GUCY1A2: variants seen among roughly 807,000 people sequenced by gnomAD.
GUCY1A2 encodes the protein guanylate cyclase 1 soluble subunit alpha 2.
A neutral mutation model predicts 63.5 loss-of-function variants in GUCY1A2; 27 were observed. That is an observed-to-expected ratio of 0.43 (90% confidence interval 0.31 to 0.59). The LOEUF (loss-of-function observed/expected upper bound fraction) is 0.59. Ranked by LOEUF, GUCY1A2 falls within the 20% of genes least tolerant of loss-of-function variation. GUCY1A2 has a pLI of 0.11. For missense variants in GUCY1A2, 768 were observed against 913.3 expected (o/e 0.84, Z 2.05); for synonymous variants, 364 against 343.5 (o/e 1.06, Z -0.66).
rs1272552786 is a variant in GUCY1A2 at position 106,685,992 on chromosome 11, A to G, written c.*1557T>C. ...AGTAAATATATTCCTTAACTGAGTT[A>G]TGTCATAACCAAATCATAATGCAGC... On this transcript the variant is annotated 3_prime_UTR_variant, in exon 8 of 8. Transcript: ENST00000526355. 1.4e-5 allele frequency: 3 copies of G among 219,798 alleles called. No individual in the cohort carries two copies. Among genetic ancestry groups the G allele is most frequent in the African/African-American group, 6.7e-5 (3 of 44,594 alleles). 13.6% of individuals were successfully genotyped at this position (219,798 alleles called of 1,614,324 possible). A position where few individuals can be genotyped will look rare whatever the true frequency, so the allele number is the denominator to read the frequency against.
chr11:106,683,186 T>C lies in GUCY1A2; in HGVS notation c.*4363A>G. The stretch of plus-strand genomic sequence containing the variant: ...CTCATGCATCATGATTTTTGGGTTA[T>C]ATCTATTATTAAGCTATGATTATAG... On this transcript the variant is annotated 3_prime_UTR_variant, in exon 8 of 8. Coordinates refer to ENST00000526355, the MANE Select transcript of GUCY1A2 (RefSeq NM_000855.3). 1 of 214,318 alleles carries C rather than the reference T, an allele frequency of 4.7e-6. No homozygotes were observed. The highest frequency in any genetic ancestry group is 7.0e-5 in the East Asian group (1 of 14,368). 13.3% of individuals were successfully genotyped at this position (214,318 alleles called of 1,614,324 possible).
intron 4 of GUCY1A2, among the ~76,000 whole-genome samples, chr11:106,869,955 A>G (rs1225149658): frequency 6.6e-6 from 1 of 152,140 alleles, no homozygotes; most frequent in Non-Finnish European, 1.5e-5. Flanking sequence ...TGTCCTTTGT[A>G]GGGACGTGGA....
At chr11:106,915,466 A>G (rs1860358036) in intron 4 of GUCY1A2, among the ~76,000 whole-genome samples, 1 of 152,106 alleles carries the variant, frequency 6.6e-6, no homozygotes, top group African/African-American at 2.4e-5. Flanking sequence ...GGCAACCACT[A>G]AAAAACGACA....
Position 106,956,532 on chromosome 11 carries a change from T to A in GUCY1A2, c.488-16354A>T, listed in dbSNP as rs1860986733. 2.6e-5 allele frequency among the ~76,000 whole-genome samples: 4 copies of A among 152,062 alleles called. No homozygotes were observed. In the South Asian group the frequency reaches 8.3e-4, roughly 32 times the overall value. On this transcript the variant is annotated intron_variant, in intron 3 of 7. Transcript: ENST00000526355. ...TGCTTGTTTTTCTTTCAATAATTGG[T>A]CCCTCTTCTGTAGGACTGCTGCAGT... is the stretch of plus-strand genomic sequence containing the variant.
chr11:106,956,654 G>A (rs1046928896), intron 3 of GUCY1A2, among the ~76,000 whole-genome samples: 1 of 152,196 alleles, frequency 6.6e-6, no homozygotes, highest in Non-Finnish European at 1.5e-5. Context: ...ATGGGTGCCT[G>A]CTCCTTCTTC....
intron 4 of GUCY1A2, among the ~76,000 whole-genome samples, chr11:106,850,484 A>G (rs1338361113): frequency 6.6e-6 from 1 of 151,730 alleles, no homozygotes; most frequent in African/African-American, 2.4e-5. Context: ...TCTGTTAACT[A>G]ACCTCGTCCC....
At chr11:106,908,450 T>C (rs938008312) in intron 4 of GUCY1A2, among the ~76,000 whole-genome samples, 2 of 151,948 alleles carry the variant, frequency 1.3e-5, no homozygotes, top group Non-Finnish European at 2.9e-5. Context: ...TGCAAAATGT[T>C]ACAAATTTTA....
chr11:106,982,185 T>C (rs1861345496), intron 2 of GUCY1A2, among the ~76,000 whole-genome samples: 3 of 152,134 alleles, frequency 2.0e-5, no homozygotes, highest in Admixed American at 2.0e-4. Flanking sequence ...GTTTCATATG[T>C]CTACTTACAA....
At chr11:106,778,160 A>G (rs934650546) in intron 5 of GUCY1A2, among the ~76,000 whole-genome samples, 2 of 152,212 alleles carry the variant, frequency 1.3e-5, no homozygotes, top group African/African-American at 4.8e-5. Flanking sequence ...CACCAACCTA[A>G]TAAAATCCTC....
intron 4 of GUCY1A2, among the ~76,000 whole-genome samples, chr11:106,884,348 C>T (rs1306574597): frequency 6.6e-6 from 1 of 152,174 alleles, no homozygotes; most frequent in Non-Finnish European, 1.5e-5. Context: ...TTGTAGACAA[C>T]GTTTGTATGT....
intron 3 of GUCY1A2, among the ~76,000 whole-genome samples, chr11:106,960,071 A>G (rs1861039975): frequency 6.6e-6 from 1 of 152,210 alleles, no homozygotes; most frequent in African/African-American, 2.4e-5. Flanking sequence ...CATAGTTCTC[A>G]TTTAAGTGGC....
chr11:106,725,465 C>G (rs1367641274), intron 6 of GUCY1A2, among the ~76,000 whole-genome samples: 2 of 151,906 alleles, frequency 1.3e-5, no homozygotes, highest in Non-Finnish European at 2.9e-5. Flanking sequence ...GGCTAAAATT[C>G]TAACTGTGAT....
chr11:106,792,263 G>A (rs1328708187), intron 5 of GUCY1A2, among the ~76,000 whole-genome samples: 1 of 151,856 alleles, frequency 6.6e-6, no homozygotes, highest in African/African-American at 2.4e-5. Context: ...GTGGGTGCCT[G>A]TAATCCCAGC....
chr11:106,955,121 T>A (rs1860965826), intron 3 of GUCY1A2, among the ~76,000 whole-genome samples: 1 of 152,104 alleles, frequency 6.6e-6, no homozygotes, highest in Non-Finnish European at 1.5e-5. Context: ...TACAGGCATG[T>A]GCCACCATGC....
intron 1 of GUCY1A2, among the ~76,000 whole-genome samples, chr11:106,999,926 A>C (rs1203138841): frequency 6.6e-6 from 1 of 152,216 alleles, no homozygotes; most frequent in Non-Finnish European, 1.5e-5. Context: ...AACTTAATTT[A>C]ATATTTTATT....
chr11:106,954,761 C>T (rs1860959365), intron 3 of GUCY1A2, among the ~76,000 whole-genome samples: 1 of 151,908 alleles, frequency 6.6e-6, no homozygotes. Flanking sequence ...TTGTATAATA[C>T]CCTTGTCTTT....
chr11:106,941,162 G>A (rs912082234), intron 3 of GUCY1A2, among the ~76,000 whole-genome samples: 2 of 152,168 alleles, frequency 1.3e-5, no homozygotes, highest in Non-Finnish European at 2.9e-5. Flanking sequence ...AGCCAAGCAT[G>A]GAGGAGGAAT....
At chr11:106,820,877 ATTGT>A (rs1173705883) in intron 4 of GUCY1A2, among the ~76,000 whole-genome samples, 2 of 152,154 alleles carry the variant, frequency 1.3e-5, no homozygotes, top group Non-Finnish European at 2.9e-5. Flanking sequence ...TATAATTCAT[ATTGT>A]TTATTCATTA....
At position 106,944,864 on chromosome 11, in the gene GUCY1A2, C is replaced by T. The variant is rs187193439; in HGVS notation, c.488-4686G>A. On this transcript the variant is annotated intron_variant, in intron 3 of 7. Coordinates refer to ENST00000526355, the MANE Select transcript of GUCY1A2 (RefSeq NM_000855.3). The stretch of plus-strand genomic sequence containing the variant: ...CCTTTCAAATCACAAAGCACATGTC[C>T]GTGTCTTTCTTATAAAATAGCAGAT... Among the ~76,000 whole-genome samples, 156 of 152,146 alleles carry T rather than the reference C, an allele frequency of 1.0e-3. 1 individual carries two copies. The highest frequency in any genetic ancestry group is 3.5e-3 in the African/African-American group (144 of 41,518).
Sources: gnomAD v4.1 joint callset for allele counts (sites outside exome capture counted in the v4.1 genomes callset) on GRCh38, gnomAD v4.1.1 for gene constraint, MANE v1.5 for transcripts, NCBI Gene and HGNC (gene_info 2026-07-23, HGNC 2026-07-21) for gene names.